LSM1: variants seen among roughly 807,000 people sequenced by gnomAD.
The protein encoded by LSM1 is LSM1 homolog, mRNA degradation associated, also known as U6 snRNA-associated Sm-like protein LSm1.
In LSM1, 13 loss-of-function variants were observed where a neutral mutation model predicts 18.0. That is an observed-to-expected ratio of 0.72 (90% CI 0.47 to 1.15). The LOEUF (loss-of-function observed/expected upper bound fraction) is 1.15. Among genes scored for constraint, LSM1 ranks in the 50% most tolerant of loss-of-function variants. LSM1 has a pLI of 0.00. For synonymous variants in LSM1, 46 were observed against 56.0 expected (o/e 0.82, Z 0.80); for missense variants, 152 against 157.7 (o/e 0.96, Z 0.19).
chr8:38,168,523 G>A (rs530602988), intron 3 of LSM1, among the ~76,000 whole-genome samples: 33 of 150,074 alleles, frequency 2.2e-4, no homozygotes, highest in South Asian at 1.7e-3. Flanking sequence ...CCTGGGAGGC[G>A]GAAGTTGCAG....
intron 1 of LSM1, 110 bp from the exon 2 acceptor site, chr8:38,172,143 T>C (rs1803040436): frequency 1.3e-6 from 1 of 758,424 alleles, no homozygotes; most frequent in South Asian, 1.6e-5. Context: ...ATGCATTTAA[T>C]GTGAAGTTCA....
intron 3 of LSM1, among the ~76,000 whole-genome samples, chr8:38,168,203 C>T (rs866048568): frequency 7.3e-5 from 11 of 151,206 alleles, no homozygotes; most frequent in Non-Finnish European, 1.6e-4. Flanking sequence ...CCTTGTGATC[C>T]GCCCGCCTCA....
rs557509650 is a variant in LSM1 at position 38,170,378 on chromosome 8, ATCT to A, written c.116-464_116-462del. Among the ~76,000 whole-genome samples the A allele has an allele frequency of 1.0e-3, 157 of 152,334 alleles. 1 individual carries two copies. The highest frequency in any genetic ancestry group is 3.5e-3 in the African/African-American group (146 of 41,582). On this transcript the variant is annotated intron_variant, in intron 2 of 3. Transcript: ENST00000311351. Reference sequence around the variant, plus strand: ...CTGGGGAAGGCTAAAATTTCAAATAATCTTCTCCTATTTCATTGAGTAAGACGT... The same window carrying A: ...CTGGGGAAGGCTAAAATTTCAAATAATCTCCTATTTCATTGAGTAAGACGT...
At chr8:38,165,450 T>C (rs758352348) in intron 3 of LSM1, among the ~76,000 whole-genome samples, 13 of 152,062 alleles carry the variant, frequency 8.5e-5, no homozygotes, top group Middle Eastern at 3.4e-3. Context: ...ACAAGGAAAA[T>C]TTAAAAATTA....
intron 3 of LSM1, among the ~76,000 whole-genome samples, chr8:38,164,611 T>TA (rs1248833437): frequency 2.6e-5 from 4 of 151,158 alleles, no homozygotes; most frequent in African/African-American, 9.7e-5. Flanking sequence ...CACTTGGGCC[T>TA]AGGAGTTCGA....
At chr8:38,168,286 G>C (rs1253718218) in intron 3 of LSM1, among the ~76,000 whole-genome samples, 1 of 149,318 alleles carries the variant, frequency 6.7e-6, no homozygotes, top group Non-Finnish European at 1.5e-5. Flanking sequence ...TGCGACACAA[G>C]AAGATAACAA....
intron 3 of LSM1, among the ~76,000 whole-genome samples, chr8:38,165,166 T>G (rs962815620): frequency 7.8e-6 from 1 of 127,958 alleles, no homozygotes; most frequent in Non-Finnish European, 1.7e-5. Flanking sequence ...CTGGCCAACA[T>G]GGCAAAACCC....
chr8:38,168,406 C>G (rs1311031532), intron 3 of LSM1, among the ~76,000 whole-genome samples: 1 of 150,732 alleles, frequency 6.6e-6, no homozygotes, highest in East Asian at 2.0e-4. Context: ...GCCTGGCCAA[C>G]ATAGTGAAAC....
rs951937148 is a variant in LSM1 at position 38,163,630 on chromosome 8, G to A, written c.*40C>T. 1 of 1,582,790 alleles carries A rather than the reference G, an allele frequency of 6.3e-7. No individual in the cohort carries two copies. Among genetic ancestry groups the A allele is most frequent in the Non-Finnish European group, 8.7e-7 (1 of 1,153,192 alleles). ...AGGATGTCACTTTCACTCAGTGACA[G>A]CCCCTACTCTTCAAGAGCCAACAGC... On this transcript the variant is annotated 3_prime_UTR_variant, in exon 4 of 4. Transcript: ENST00000311351.
chr8:38,168,702 T>TTTTTATAAGTATTACTTATAAATA (rs1433732435), intron 3 of LSM1, among the ~76,000 whole-genome samples: 7 of 151,400 alleles, frequency 4.6e-5, no homozygotes, highest in Non-Finnish European at 8.8e-5. Context: ...ATAAGAAAAA[T>TTTTTATAAGTATTACTTATAAATA]TTTTATAAGT....
rs1802873319 is a variant in LSM1, at chr8:38,163,425, A to T, written c.*245T>A. ...GATATGAAGAACAATATAAAGAAGT[A>T]GTTGCTGGTGCCACAGTGATGTGTG... is the stretch of plus-strand genomic sequence containing the variant. On this transcript the variant is annotated 3_prime_UTR_variant, in exon 4 of 4. Coordinates refer to ENST00000311351, the MANE Select transcript of LSM1 (RefSeq NM_014462.3). The T allele has an allele frequency of 2.6e-6, 1 of 381,090 alleles. No homozygotes were observed. The highest frequency in any genetic ancestry group is 2.0e-5 in the African/African-American group (1 of 49,488). 23.6% of individuals were successfully genotyped at this position (381,090 alleles called of 1,614,324 possible). A position where few individuals can be genotyped will look rare whatever the true frequency, so the allele number is the denominator to read the frequency against.
intron 2 of LSM1, among the ~76,000 whole-genome samples, chr8:38,170,499 T>C (rs1178613047): frequency 6.6e-6 from 1 of 152,106 alleles, no homozygotes. Context: ...TAATTGCTAA[T>C]ACCAAAAAAA....
At chr8:38,176,723 G>A, upstream of LSM1, 1 of 1,098,442 alleles carries the variant, frequency 9.1e-7, no homozygotes, top group Non-Finnish European at 1.2e-6. Context: ...TCGGGGTTCG[G>A]CAGCAGAAGG....
At chr8:38,165,764 C>T (rs770600577) in intron 3 of LSM1, among the ~76,000 whole-genome samples, 2 of 151,450 alleles carry the variant, frequency 1.3e-5, no homozygotes, top group African/African-American at 2.4e-5. Flanking sequence ...ACCTATAGTC[C>T]CAGCTACTCA....
At chr8:38,171,007 A>T (rs569025259) in intron 2 of LSM1, 1 of 438,918 alleles carries the variant, frequency 2.3e-6, no homozygotes, top group Admixed American at 2.5e-5. Flanking sequence ...CATGAACATG[A>T]AGTTCCTTGA....
At chr8:38,176,115 G>GTA (rs1271653007) in intron 1 of LSM1, 160 bp downstream of exon 1, 4 of 594,424 alleles carry the variant, frequency 6.7e-6, no homozygotes, top group Non-Finnish European at 8.9e-6. Context: ...CAAGCGGTGT[G>GTA]TACCGCAGCT....
intron 1 of LSM1, among the ~76,000 whole-genome samples, chr8:38,174,637 C>A (rs1803086486): frequency 6.6e-6 from 1 of 152,152 alleles, no homozygotes; most frequent in African/African-American, 2.4e-5. Context: ...CATCCTGTTA[C>A]ACGTAACAGG....
chr8:38,171,568 G>A (rs1585641448), intron 2 of LSM1, among the ~76,000 whole-genome samples: 1 of 152,332 alleles, frequency 6.6e-6, no homozygotes, highest in African/African-American at 2.4e-5. Context: ...TTGGGAGGCT[G>A]AGGCACAAGA....
At chr8:38,166,299 T>A (rs1218217147) in intron 3 of LSM1, among the ~76,000 whole-genome samples, 1 of 152,166 alleles carries the variant, frequency 6.6e-6, no homozygotes, top group African/African-American at 2.4e-5. Context: ...TTTTTTCTTT[T>A]TGTAGAGATG....
Sources: gnomAD v4.1 joint callset for allele counts (sites outside exome capture counted in the v4.1 genomes callset) on GRCh38, gnomAD v4.1.1 for gene constraint, MANE v1.5 for transcripts, NCBI Gene and HGNC (gene_info 2026-07-23, HGNC 2026-07-21) for gene names.